Variants in PPP1R9A observed in about 807,000 individuals in gnomAD.
PPP1R9A encodes protein phosphatase 1 regulatory subunit 9A, also known as neurabin-1.
PPP1R9A carries 59 observed loss-of-function variants against 141.9 expected under a neutral mutation model. The observed-to-expected ratio is 0.42, with a 90% CI of 0.34 to 0.52. The LOEUF (loss-of-function observed/expected upper bound fraction) is 0.52. Ranked by LOEUF, PPP1R9A falls within the 20% of genes least tolerant of loss-of-function variation. PPP1R9A has a pLI of 0.10. For synonymous variants in PPP1R9A, 500 were observed against 569.7 expected (o/e 0.88, Z 1.74); for missense variants, 1,444 against 1,611.9 (o/e 0.90, Z 1.78).
chr7:94,907,945 T>TG (rs1790946068), intron 1 of PPP1R9A: 1 of 147,322 alleles, frequency 6.8e-6, no homozygotes, highest in African/African-American at 2.4e-5. Context: ...AGGGAGCGCC[T>TG]GGGGGCCGAC....
intron 2 of PPP1R9A, among the ~76,000 whole-genome samples, chr7:94,954,195 T>A (rs925328579): frequency 6.6e-6 from 1 of 152,090 alleles, no homozygotes; most frequent in Non-Finnish European, 1.5e-5. Context: ...TAAGACTAAA[T>A]TTTACTGCTT....
chr7:95,251,827 A>T lies in PPP1R9A; in HGVS notation c.2462A>T (p.His821Leu). The T allele has an allele frequency of 1.2e-6, 2 of 1,613,960 alleles. No homozygotes were observed. Among genetic ancestry groups the T allele is most frequent in the Non-Finnish European group, 1.7e-6 (2 of 1,179,902 alleles). Reference sequence around the variant, plus strand: ...AAAATAGAAGATTTGGAAAAAGCTCATCTTGTGGAAGTGCAAGGCCTCCAA... The same window carrying T: ...AAAATAGAAGATTTGGAAAAAGCTCTTCTTGTGGAAGTGCAAGGCCTCCAA... ...RKKIEDLEKA[H>L]LVEVQGLQVR... Residue 821 changes from histidine to leucine, a missense_variant, in exon 11 of 20, where the codon CAT becomes CTT. Transcript: ENST00000433360.
intron 7 of PPP1R9A, among the ~76,000 whole-genome samples, chr7:95,222,865 T>A (rs915727281): frequency 3.3e-5 from 5 of 151,998 alleles, no homozygotes; most frequent in Non-Finnish European, 7.4e-5. Context: ...CTTATTTTAT[T>A]TGCAGTGTAA....
intron 7 of PPP1R9A, among the ~76,000 whole-genome samples, chr7:95,212,342 A>G (rs1792306143): frequency 6.6e-6 from 1 of 152,054 alleles, no homozygotes; most frequent in African/African-American, 2.4e-5. Flanking sequence ...TAAAGAAAAA[A>G]TGAAATCTTT....
At chr7:95,027,622 G>A (rs1240566168) in intron 2 of PPP1R9A, among the ~76,000 whole-genome samples, 1 of 152,164 alleles carries the variant, frequency 6.6e-6, no homozygotes, top group African/African-American at 2.4e-5. Context: ...GCTTCAAGGT[G>A]ATTTTGTTGT....
rs1804814193 is a variant in PPP1R9A, at chr7:95,284,109, T to C, written c.3388T>C (p.Phe1130Leu). 2 of 1,593,332 alleles carry C rather than the reference T, an allele frequency of 1.3e-6. No individual in the cohort carries two copies. Among genetic ancestry groups the C allele is most frequent in the South Asian group, 2.2e-5 (2 of 90,954 alleles). ...TRSPCMPFSW[F>L]NDSRKGSYSF... is the part of the protein sequence containing the mutation. ...TTCCCCTTGCATGCCTTTCTCATGG[T>C]TTAATGACAGCCGGAAAGGATCCTA... The change falls in exon 17 of 20, where the codon TTT becomes CTT. Residue 1130 changes from phenylalanine (F) to leucine (L), a missense_variant. Phe to Leu is a conservative substitution (Grantham distance 22). This residue lies in a region of PPP1R9A where 459 missense variants were observed against 513.8 expected (regional missense o/e 0.89). Coordinates refer to ENST00000433360, the MANE Select transcript of PPP1R9A (RefSeq NM_001166160.2).
Position 95,015,177 on chromosome 7 carries a change from C to T in PPP1R9A, c.1396-96082C>T, listed in dbSNP as rs188492331. Among the ~76,000 whole-genome samples, 526 of 151,666 alleles carry T rather than the reference C, an allele frequency of 3.5e-3. 5 individuals carry two copies. Among genetic ancestry groups the T allele is most frequent in the African/African-American group, 0.012 (500 of 41,378 alleles). On this transcript the variant is annotated intron_variant, in intron 2 of 19. Coordinates refer to ENST00000433360, the MANE Select transcript of PPP1R9A (RefSeq NM_001166160.2). ...AATGGATTATCATTGCTTCTAGTTG[C>T]TCTTAGTGGGCAAACATAAAATATA...
chr7:94,907,485 C>T (rs1402209896), upstream of PPP1R9A, among the ~76,000 whole-genome samples: 11 of 152,098 alleles, frequency 7.2e-5, no homozygotes, highest in Admixed American at 5.9e-4. Flanking sequence ...CGGTCAGCCC[C>T]AGAACCAAGT....
chr7:95,073,530 C>T (rs1050682805), intron 2 of PPP1R9A, among the ~76,000 whole-genome samples: 5 of 151,040 alleles, frequency 3.3e-5, no homozygotes, highest in Non-Finnish European at 5.9e-5. Context: ...TTAATTGATG[C>T]TTATCCCAAT....
At chr7:95,181,414 A>G (rs905864644) in intron 5 of PPP1R9A, among the ~76,000 whole-genome samples, 2 of 137,030 alleles carry the variant, frequency 1.5e-5, no homozygotes, top group Admixed American at 1.6e-4. Context: ...TCCATCATAT[A>G]TATAGAATAT....
intron 2 of PPP1R9A, among the ~76,000 whole-genome samples, chr7:95,097,398 AT>A (rs1200583753): frequency 4.3e-5 from 6 of 140,046 alleles, no homozygotes; most frequent in African/African-American, 1.5e-4. Flanking sequence ...TGAAGTAAGA[AT>A]CAATGGCTCA....
chr7:94,916,808 G>GTTTGTTT (rs201459738), intron 2 of PPP1R9A, among the ~76,000 whole-genome samples: 2 of 151,314 alleles, frequency 1.3e-5, no homozygotes, highest in Admixed American at 6.6e-5. Flanking sequence ...CTTTTTTTTT[G>GTTTGTTT]TTTGTTTTTT....
At chr7:95,151,040 T>A (rs898612722) in intron 4 of PPP1R9A, among the ~76,000 whole-genome samples, 1 of 152,202 alleles carries the variant, frequency 6.6e-6, no homozygotes, top group Non-Finnish European at 1.5e-5. Flanking sequence ...AGCAATAAGG[T>A]GTCTCATTCA....
chr7:95,141,428 AC>A (rs986120116), intron 4 of PPP1R9A, among the ~76,000 whole-genome samples: 1 of 152,150 alleles, frequency 6.6e-6, no homozygotes, highest in Non-Finnish European at 1.5e-5. Flanking sequence ...GAGTTATATA[AC>A]CATCACAATT....
At chr7:95,253,444 T>A (rs1799159451) in intron 12 of PPP1R9A, among the ~76,000 whole-genome samples, 1 of 152,218 alleles carries the variant, frequency 6.6e-6, no homozygotes, top group Admixed American at 6.5e-5. Context: ...AAATGATATC[T>A]AGAGATTTGA....
chr7:94,913,348 G>C (rs1791679059), intron 2 of PPP1R9A, among the ~76,000 whole-genome samples: 1 of 152,110 alleles, frequency 6.6e-6, no homozygotes, highest in Non-Finnish European at 1.5e-5. Context: ...TGCTATGATT[G>C]CTTATAACAA....
intron 2 of PPP1R9A, among the ~76,000 whole-genome samples, chr7:94,972,789 C>G (rs1798999889): frequency 2.0e-5 from 3 of 152,176 alleles, no homozygotes; most frequent in Admixed American, 2.0e-4. Context: ...TTTAGGTGAT[C>G]TGACTATTAA....
At chr7:95,022,950 G>A (rs766738025) in intron 2 of PPP1R9A, among the ~76,000 whole-genome samples, 2 of 152,028 alleles carry the variant, frequency 1.3e-5, no homozygotes, top group Admixed American at 6.6e-5. Flanking sequence ...CTTTTTTGTT[G>A]TGTCTCTGCC....
chr7:95,043,389 A>G (rs947471510), intron 2 of PPP1R9A, among the ~76,000 whole-genome samples: 13 of 152,218 alleles, frequency 8.5e-5, no homozygotes, highest in Admixed American at 3.3e-4. Flanking sequence ...ATAACATACA[A>G]CACAAATGAA....
Sources: gnomAD v4.1 joint callset for allele counts (sites outside exome capture counted in the v4.1 genomes callset) on GRCh38, gnomAD v4.1.1 for gene constraint, gnomAD v4.1.1 regional missense constraint, MANE v1.5 for transcripts, NCBI Gene and HGNC (gene_info 2026-07-23, HGNC 2026-07-21) for gene names.